The following DSCAM variants were observed in gnomAD, a reference collection of about 807,000 sequenced individuals.
DSCAM encodes the protein cell adhesion molecule DSCAM.
A neutral mutation model predicts 217.7 loss-of-function variants in DSCAM; 47 were observed. The observed-to-expected ratio is 0.22, with a 90% CI of 0.17 to 0.28. The LOEUF is 0.28. Ranked by LOEUF, DSCAM falls within the 10% of genes least tolerant of loss-of-function variation. The probability of loss-of-function intolerance (pLI) is 1.00; values close to 1 mark genes in which losing one functional copy is unlikely to be tolerated. For missense variants in DSCAM, 2,080 were observed against 2,618.3 expected, an observed-to-expected ratio of 0.79 and a Z score of 4.49; for synonymous variants, 1,056 against 1,015.3, an observed-to-expected ratio of 1.04 and a Z score of -0.76.
At chr21:40,088,169 G>A (rs989692683) in intron 21 of DSCAM, among the ~76,000 whole-genome samples, 2 of 152,148 alleles carry the variant, frequency 1.3e-5, no homozygotes, top group African/African-American at 4.8e-5. Context: ...CACTGTCATG[G>A]AGCTGGGGAC....
chr21:40,813,314 A>C (rs1023299815), intron 1 of DSCAM, among the ~76,000 whole-genome samples: 11 of 152,200 alleles, frequency 7.2e-5, no homozygotes, highest in African/African-American at 2.7e-4. Flanking sequence ...TGATTAATCT[A>C]AATAACTGTG....
intron 3 of DSCAM, among the ~76,000 whole-genome samples, chr21:40,506,036 T>TA (rs2076207826): frequency 6.6e-6 from 1 of 152,226 alleles, no homozygotes; most frequent in Non-Finnish European, 1.5e-5. Flanking sequence ...GAACCACGGA[T>TA]ATGATACTCT....
chr21:40,300,694 G>A (rs2074005669), intron 9 of DSCAM, among the ~76,000 whole-genome samples: 1 of 152,230 alleles, frequency 6.6e-6, no homozygotes, highest in East Asian at 1.9e-4. Flanking sequence ...CCGATCCAGT[G>A]GGGCAATTAT....
chr21:40,094,583 AG>A (rs1329098457), intron 20 of DSCAM, among the ~76,000 whole-genome samples: 3 of 152,182 alleles, frequency 2.0e-5, no homozygotes, highest in Non-Finnish European at 2.9e-5. Flanking sequence ...AAAGAATTGG[AG>A]GTCACGGTGC....
intron 1 of DSCAM, among the ~76,000 whole-genome samples, chr21:40,808,738 G>A (rs1165408428): frequency 6.6e-6 from 1 of 152,024 alleles, no homozygotes. Flanking sequence ...CCCTCCTAAA[G>A]TGCTGTGATT....
At chr21:40,493,999 C>T (rs1324604436) in intron 3 of DSCAM, among the ~76,000 whole-genome samples, 1 of 151,486 alleles carries the variant, frequency 6.6e-6, no homozygotes, top group Non-Finnish European at 1.5e-5. Context: ...ATATAAGCCA[C>T]CTATGTAATC....
At chr21:40,256,091 G>A (rs1453591905) in intron 11 of DSCAM, among the ~76,000 whole-genome samples, 1 of 152,188 alleles carries the variant, frequency 6.6e-6, no homozygotes, top group African/African-American at 2.4e-5. Context: ...GGTATCCAAT[G>A]TATGTTTTGG....
chr21:40,543,878 T>C (rs1159574819), intron 3 of DSCAM, among the ~76,000 whole-genome samples: 1 of 152,210 alleles, frequency 6.6e-6, no homozygotes, highest in Non-Finnish European at 1.5e-5. Flanking sequence ...AAAATATTTG[T>C]AAATAAAATA....
chr21:40,491,064 T>C (rs1016732256), intron 3 of DSCAM, among the ~76,000 whole-genome samples: 1 of 152,220 alleles, frequency 6.6e-6, no homozygotes, highest in Admixed American at 6.5e-5. Context: ...TGTTTTAAGA[T>C]GTTTGTAAAA....
chr21:40,814,878 C>T (rs2091867832), intron 1 of DSCAM, among the ~76,000 whole-genome samples: 1 of 152,134 alleles, frequency 6.6e-6, no homozygotes, highest in Admixed American at 6.5e-5. Flanking sequence ...ATTGAAAAGG[C>T]CATTGATCTT....
intron 8 of DSCAM, among the ~76,000 whole-genome samples, chr21:40,333,567 G>A (rs1194861414): frequency 2.6e-5 from 4 of 152,174 alleles, no homozygotes; most frequent in Non-Finnish European, 2.9e-5. Flanking sequence ...GTTTTGCCAC[G>A]TTGGCCAGGC....
intron 3 of DSCAM, among the ~76,000 whole-genome samples, chr21:40,584,310 A>T (rs1287001452): frequency 2.0e-5 from 3 of 152,180 alleles, no homozygotes; most frequent in Admixed American, 2.0e-4. Context: ...TAGGTGATAA[A>T]TGAATTACAT....
intron 3 of DSCAM, among the ~76,000 whole-genome samples, chr21:40,400,094 C>T (rs537715349): frequency 2.1e-4 from 32 of 152,276 alleles, no homozygotes; most frequent in African/African-American, 7.2e-4. Flanking sequence ...TCTCCCTGTT[C>T]CGGGAGCACC....
Position 40,833,299 on chromosome 21 carries a change from G to A in DSCAM, c.43+13320C>T, listed in dbSNP as rs1370816570. Among the ~76,000 whole-genome samples, 4 of 152,228 alleles carry A rather than the reference G, an allele frequency of 2.6e-5. No individual in the cohort carries two copies. The East Asian group carries it at 5.8e-4, about 22-fold the overall frequency. The stretch of plus-strand genomic sequence containing the variant: ...GGTCTCTCCAGTCCAGCCTTTGCCT[G>A]AGAGAACAGGTTACAAAAATATCCC... On this transcript the variant is annotated intron_variant, in intron 1 of 32. Coordinates refer to ENST00000400454, the MANE Select transcript of DSCAM (RefSeq NM_001389.5).
chr21:40,780,421 GTGTATATATATA>G (rs1376097015), intron 1 of DSCAM, among the ~76,000 whole-genome samples: 2 of 48,048 alleles, frequency 4.2e-5, no homozygotes, highest in Non-Finnish European at 7.1e-5. Context: ...GTGTGTGTGT[GTGTATATATATA>G]TATATATATA....
At chr21:40,376,648 C>CAATATCTATATATCTTATATA (rs1569093200) in intron 3 of DSCAM, among the ~76,000 whole-genome samples, 19 of 141,964 alleles carry the variant, frequency 1.3e-4, no homozygotes, top group Middle Eastern at 3.8e-3. Flanking sequence ...ATATAGATAT[C>CAATATCTATATATCTTATATA]GATATCTATA....
At chr21:40,255,441 T>G (rs2073358056) in intron 11 of DSCAM, among the ~76,000 whole-genome samples, 1 of 152,200 alleles carries the variant, frequency 6.6e-6, no homozygotes, top group Non-Finnish European at 1.5e-5. Flanking sequence ...TAATGGTGCT[T>G]CAAAGACCTC....
At chr21:40,415,329 T>C (rs2075360642) in intron 3 of DSCAM, among the ~76,000 whole-genome samples, 1 of 152,266 alleles carries the variant, frequency 6.6e-6, no homozygotes, top group Admixed American at 6.5e-5. Flanking sequence ...CACTGTCATC[T>C]ACAGTCTCTT....
chr21:40,253,117 A>C (rs1160497913), intron 11 of DSCAM, among the ~76,000 whole-genome samples: 1 of 152,196 alleles, frequency 6.6e-6, no homozygotes, highest in Non-Finnish European at 1.5e-5. Flanking sequence ...TGAGCACAGG[A>C]CGATGATGCC....
Sources: gnomAD v4.1 joint callset for allele counts (sites outside exome capture counted in the v4.1 genomes callset) on GRCh38, gnomAD v4.1.1 for gene constraint, MANE v1.5 for transcripts, NCBI Gene and HGNC (gene_info 2026-07-23, HGNC 2026-07-21) for gene names.